Variants in TMEM266 observed in about 807,000 individuals in gnomAD.
TMEM266 encodes Hv1 related protein 1.
Under a neutral mutation model 50.5 loss-of-function variants are expected in TMEM266, and 33 were observed. That is an observed-to-expected ratio of 0.65 (90% CI 0.50 to 0.87). The LOEUF is 0.87. Ranked by LOEUF, TMEM266 falls within the 40% of genes least tolerant of loss-of-function variation. The pLI is 0.00. For missense variants in TMEM266, 655 were observed against 695.1 expected (o/e 0.94, Z 0.65); for synonymous variants, 310 against 292.3 (o/e 1.06, Z -0.62).
rs1025479678 is a variant in TMEM266, at chr15:76,064,127, C to T, written c.-97+4111C>T. Among the ~76,000 whole-genome samples, 4 of 152,170 alleles carry T rather than the reference C, an allele frequency of 2.6e-5. 1 individual carries two copies. The highest frequency in any genetic ancestry group is 1.3e-4 in the Admixed American group (2 of 15,280). ...GGAGACTCTGGATTCCTTCAGCCATCCATCAACTCTCCCAGTGGCCTGAGT... is the reference window on the plus strand; with the variant it reads ...GGAGACTCTGGATTCCTTCAGCCATTCATCAACTCTCCCAGTGGCCTGAGT... On this transcript the variant is annotated intron_variant, in intron 1 of 10. Transcript: ENST00000388942.
In TMEM266 at chr15:76,180,777, C is replaced by A. The variant is rs560871745; in HGVS notation, c.768+5103C>A. On this transcript the variant is annotated intron_variant, in intron 8 of 10. Transcript: ENST00000388942. ...TACAGGCACCTGCCACCATGCCCAG[C>A]TAATTTTTGTATTTTTAGTAGAGAC... 7.4e-4 allele frequency among the ~76,000 whole-genome samples: 113 copies of A among 151,922 alleles called. 3 individuals are homozygous for A. The South Asian group carries it at 0.023, about 31-fold the overall frequency.
At chr15:76,169,715 T>G in intron 5 of TMEM266, 101 bp from the exon 6 acceptor site, 1 of 1,362,500 alleles carries the variant, frequency 7.3e-7, no homozygotes, top group Admixed American at 1.7e-5. Flanking sequence ...ACCTTTTCCT[T>G]TTACTGAATG....
chr15:76,120,350 G>C (rs904923817), intron 1 of TMEM266, among the ~76,000 whole-genome samples: 1 of 151,662 alleles, frequency 6.6e-6, no homozygotes, highest in African/African-American at 2.4e-5. Flanking sequence ...TGGGGGAGGG[G>C]GATTTCTACA....
chr15:76,140,109 GC>G (rs968672801), intron 3 of TMEM266, among the ~76,000 whole-genome samples: 1 of 152,244 alleles, frequency 6.6e-6, no homozygotes, highest in Non-Finnish European at 1.5e-5. Context: ...AGGCAGAGAG[GC>G]CTTTGATTTG....
At chr15:76,167,057 C>G (rs1789326243) in intron 5 of TMEM266, among the ~76,000 whole-genome samples, 1 of 152,174 alleles carries the variant, frequency 6.6e-6, no homozygotes, top group Non-Finnish European at 1.5e-5. Context: ...CCAGCCTGGA[C>G]TTTTGTCTTG....
chr15:76,136,140 A>G (rs11637449), intron 2 of TMEM266, among the ~76,000 whole-genome samples: 5 of 152,118 alleles, frequency 3.3e-5, no homozygotes, highest in African/African-American at 7.2e-5. Flanking sequence ...AGACGGTTTC[A>G]CCATGCTGGT....
chr15:76,184,326 A>C (rs1324366784), intron 8 of TMEM266, among the ~76,000 whole-genome samples: 1 of 152,250 alleles, frequency 6.6e-6, no homozygotes, highest in African/African-American at 2.4e-5. Flanking sequence ...TGATAAAATC[A>C]GCCATCAGAG....
At chr15:76,198,432 C>G (rs1213671327) in intron 9 of TMEM266, among the ~76,000 whole-genome samples, 2 of 152,204 alleles carry the variant, frequency 1.3e-5, no homozygotes, top group Non-Finnish European at 2.9e-5. Flanking sequence ...TGTGTGAGGC[C>G]AACAGTGTGG....
intron 7 of TMEM266, among the ~76,000 whole-genome samples, chr15:76,171,805 T>A (rs1486467886): frequency 3.9e-5 from 6 of 152,208 alleles, no homozygotes. Context: ...TCTGGAAAGC[T>A]GTGCCCTGAC....
At chr15:76,155,422 C>T (rs906784624) in intron 3 of TMEM266, among the ~76,000 whole-genome samples, 4 of 152,194 alleles carry the variant, frequency 2.6e-5, no homozygotes, top group Admixed American at 6.5e-5. Flanking sequence ...TGTGACCCCT[C>T]CCACCTCCAG....
At chr15:76,084,233 G>A (rs2141993550) in intron 1 of TMEM266, among the ~76,000 whole-genome samples, 1 of 152,278 alleles carries the variant, frequency 6.6e-6, no homozygotes, top group East Asian at 1.9e-4. Flanking sequence ...AGGATTGCTT[G>A]AGTCCAGAAG....
chr15:76,175,421 C>T (rs1335659857), intron 7 of TMEM266, 138 bp from the exon 8 acceptor site: 10 of 644,606 alleles, frequency 1.6e-5, no homozygotes, highest in South Asian at 1.3e-4. Flanking sequence ...CTCTCGGGTA[C>T]CTGGACATTT....
Position 76,083,233 on chromosome 15 carries a change from C to CT in TMEM266, c.-97+23233dup, listed in dbSNP as rs3068737. Among the ~76,000 whole-genome samples, 375 of 136,210 alleles carry CT rather than the reference C, an allele frequency of 2.8e-3. 1 individual carries two copies. The highest frequency in any genetic ancestry group is 7.4e-3 in the Middle Eastern group (2 of 270). The allele number at this position is 136,210 out of a possible 152,430, so 89.4% of individuals were successfully genotyped here. A position where few individuals can be genotyped will look rare whatever the true frequency, so the allele number is the denominator to read the frequency against. On this transcript the variant is annotated intron_variant, in intron 1 of 10. Transcript: ENST00000388942. ...GGGAACCGTCAGGGGTGCTGATACTCTTTTTTTTTTTTTTTTGAGTTGGAG... is the reference window on the plus strand; with the variant it reads ...GGGAACCGTCAGGGGTGCTGATACTCTTTTTTTTTTTTTTTTTGAGTTGGAG...
intron 1 of TMEM266, among the ~76,000 whole-genome samples, chr15:76,088,500 A>G (rs1020748804): frequency 6.6e-6 from 1 of 152,190 alleles, no homozygotes; most frequent in African/African-American, 2.4e-5. Flanking sequence ...TGAAAAGAAA[A>G]AAAGAAAATA....
intron 3 of TMEM266, among the ~76,000 whole-genome samples, chr15:76,154,624 G>GCCTCTT (rs1276704701): frequency 6.6e-6 from 1 of 152,212 alleles, no homozygotes; most frequent in South Asian, 2.1e-4. Flanking sequence ...ATCCAACAAG[G>GCCTCTT]CCTCTTCCTC....
intron 8 of TMEM266, among the ~76,000 whole-genome samples, chr15:76,183,883 C>T (rs561599566): frequency 6.6e-6 from 1 of 152,310 alleles, no homozygotes; most frequent in South Asian, 2.1e-4. Flanking sequence ...CCTTCGCTGT[C>T]TTTCACGTGG....
chr15:76,107,031 T>C (rs2037092022), intron 1 of TMEM266, among the ~76,000 whole-genome samples: 1 of 152,108 alleles, frequency 6.6e-6, no homozygotes, highest in Non-Finnish European at 1.5e-5. Context: ...GACAGTAGAG[T>C]ATGCTTTTGT....
intron 2 of TMEM266, among the ~76,000 whole-genome samples, chr15:76,135,969 G>A (rs1476441220): frequency 6.6e-6 from 1 of 150,414 alleles, no homozygotes; most frequent in African/African-American, 2.4e-5. Context: ...TTGAGATAGA[G>A]TTTCACTCTT....
chr15:76,130,513 C>T (rs965775860), intron 1 of TMEM266, among the ~76,000 whole-genome samples: 6 of 152,270 alleles, frequency 3.9e-5, no homozygotes, highest in Non-Finnish European at 5.9e-5. Context: ...GCACTCCAGC[C>T]TGGGTGACAG....
Sources: allele counts gnomAD v4.1 joint callset (sites outside exome capture counted in the v4.1 genomes callset), GRCh38; gene constraint gnomAD v4.1.1; transcripts MANE v1.5; gene names NCBI Gene and HGNC (gene_info 2026-07-23, HGNC 2026-07-21).